SULF2: variants seen among roughly 807,000 people sequenced by gnomAD.
SULF2 encodes sulfatase 2.
In SULF2, 52 loss-of-function variants were observed where a neutral mutation model predicts 107.7. The observed-to-expected ratio is 0.48, with a 90% CI of 0.39 to 0.61. SULF2 has a LOEUF of 0.61. SULF2 is among the 20% of genes least tolerant of loss of function. The pLI is 0.00. For missense variants in SULF2, 993 were observed against 1,177.3 expected (o/e 0.84, Z 2.29); for synonymous variants, 460 against 464.3 (o/e 0.99, Z 0.12).
At chr20:47,662,152 T>TG (rs2087097879) in intron 17 of SULF2, among the ~76,000 whole-genome samples, 2 of 152,208 alleles carry the variant, frequency 1.3e-5, no homozygotes, top group East Asian at 3.9e-4. Context: ...TATTTAACGT[T>TG]GGAGTTCTGC....
intron 3 of SULF2, among the ~76,000 whole-genome samples, chr20:47,705,551 C>T (rs1344331516): frequency 6.6e-6 from 1 of 152,148 alleles, no homozygotes; most frequent in Non-Finnish European, 1.5e-5. Context: ...GGAGATGCCT[C>T]AATGCATCCA....
At chr20:47,708,009 C>A (rs1157412340) in intron 3 of SULF2, among the ~76,000 whole-genome samples, 3 of 152,134 alleles carry the variant, frequency 2.0e-5, no homozygotes, top group Non-Finnish European at 4.4e-5. Flanking sequence ...AATTTGGGGT[C>A]CCACTGCCCT....
At position 47,757,414 on chromosome 20, in the gene SULF2, T is replaced by G. The variant is rs1407457675; in HGVS notation, c.-51A>C. 6.6e-7 allele frequency: 1 copy of G among 1,515,818 alleles called. No homozygotes were observed. Among genetic ancestry groups the G allele is most frequent in the South Asian group, 1.2e-5 (1 of 80,932 alleles). 93.9% of individuals were successfully genotyped at this position (1,515,818 alleles called of 1,614,324 possible). ...TCTTTTGGGATGCGGGAGTCTCAAG[T>G]TGCGTCTGTGGCTTTGTTTCTTTTC... On this transcript the variant is annotated 5_prime_UTR_variant, in exon 2 of 21. Transcript: ENST00000688720.
intron 1 of SULF2, among the ~76,000 whole-genome samples, chr20:47,760,797 G>C (rs1191256337): frequency 1.3e-5 from 2 of 152,204 alleles, no homozygotes; most frequent in African/African-American, 2.4e-5. Context: ...CATGAGAACT[G>C]TGAGTTTCAT....
rs6063140 is a variant in SULF2, at chr20:47,716,003, T to A, written c.416-13333A>T. Among the ~76,000 whole-genome samples the A allele has an allele frequency of 8.3e-4, 126 of 152,174 alleles. 1 individual carries two copies. Among genetic ancestry groups the A allele is most frequent in the Non-Finnish European group, 7.5e-4 (51 of 68,022 alleles). ...GTGTTTGGCTGGCTGAACTTGGATC[T>A]ATTTGGCCCACACGGGACATGACTT... On this transcript the variant is annotated intron_variant, in intron 3 of 20. Coordinates refer to ENST00000688720, the MANE Select transcript of SULF2 (RefSeq NM_001387048.1).
At chr20:47,681,697 A>G (rs2087828591) in intron 7 of SULF2, among the ~76,000 whole-genome samples, 1 of 152,094 alleles carries the variant, frequency 6.6e-6, no homozygotes, top group African/African-American at 2.4e-5. Flanking sequence ...CGAATTATTA[A>G]TTGTTTTTGA....
In SULF2 at chr20:47,693,367, G is replaced by T. The variant is rs550217580; in HGVS notation, c.568-3072C>A. Among the ~76,000 whole-genome samples the T allele has an allele frequency of 7.2e-5, 11 of 152,284 alleles. No homozygotes were observed. In the South Asian group the frequency reaches 1.0e-3, roughly 14 times the overall value. ...ACACTTGCTGCCACCCGCCAGTGGG[G>T]TGGGGTGGGAAGCCACCGTTGCTCT... On this transcript the variant is annotated intron_variant, in intron 4 of 20. Transcript: ENST00000688720.
At chr20:47,668,835 C>G (rs903169638) in intron 11 of SULF2, among the ~76,000 whole-genome samples, 1 of 152,134 alleles carries the variant, frequency 6.6e-6, no homozygotes, top group Non-Finnish European at 1.5e-5. Context: ...CATGGTGCTT[C>G]TCACCACCCT....
chr20:47,773,641 C>T (rs2090672506), intron 1 of SULF2, among the ~76,000 whole-genome samples: 1 of 152,260 alleles, frequency 6.6e-6, no homozygotes, highest in Non-Finnish European at 1.5e-5. Flanking sequence ...TCCTTTGTCT[C>T]AGCTGTGGAC....
At chr20:47,714,418 CTCACA>C (rs140951079) in intron 3 of SULF2, among the ~76,000 whole-genome samples, 4,975 of 152,226 alleles carry the variant, frequency 0.033, 250 homozygotes, top group African/African-American at 0.1. Context: ...TCTGTCCTCC[CTCACA>C]TATGTCCCAG....
At chr20:47,667,437 A>G (rs2087313207) in intron 11 of SULF2, among the ~76,000 whole-genome samples, 1 of 152,188 alleles carries the variant, frequency 6.6e-6, no homozygotes, top group East Asian at 1.9e-4. Context: ...ATGTCTCAAA[A>G]ACAAATCTGA....
At chr20:47,743,225 T>C (rs953875393) in intron 2 of SULF2, among the ~76,000 whole-genome samples, 11 of 152,186 alleles carry the variant, frequency 7.2e-5, no homozygotes, top group Non-Finnish European at 1.2e-4. Flanking sequence ...ACACAGGACC[T>C]TGACTTAAAT....
chr20:47,777,905 T>A (rs557389266), intron 1 of SULF2, among the ~76,000 whole-genome samples: 1 of 151,978 alleles, frequency 6.6e-6, no homozygotes, highest in South Asian at 2.1e-4. Flanking sequence ...TCCCAGCACT[T>A]TTGGAGGGTC....
intron 3 of SULF2, among the ~76,000 whole-genome samples, chr20:47,733,056 G>C (rs754618716): frequency 1.3e-5 from 2 of 152,202 alleles, no homozygotes; most frequent in African/African-American, 2.4e-5. Flanking sequence ...TGCAAAGCAA[G>C]ATCACTGCAA....
Position 47,757,292 on chromosome 20 carries a change from G to A in SULF2, c.72C>T (p.Ala24=), listed in dbSNP as rs1460271363. The change falls in exon 2 of 21, where the codon GCC becomes GCT. Residue 24 remains alanine, a synonymous_variant. Transcript: ENST00000688720. ...CTTTCAGGCGGTGGTGCGACAGGAAGGCCGAGCTTCCACCCAGCAGGGAGA... is the reference window on the plus strand; with the variant it reads ...CTTTCAGGCGGTGGTGCGACAGGAAAGCCGAGCTTCCACCCAGCAGGGAGA... ...TVFSLLGGSS[A]FLSHHRLKGR... 6.3e-7 allele frequency: 1 copy of A among 1,594,882 alleles called. No individual in the cohort carries two copies.
chr20:47,665,513 C>T (rs987479372), intron 13 of SULF2, among the ~76,000 whole-genome samples: 8 of 152,280 alleles, frequency 5.3e-5, no homozygotes, highest in South Asian at 4.1e-4. Context: ...GCAAGGGAAC[C>T]GAGTCATTTT....
chr20:47,736,665 G>A, intron 3 of SULF2, 38 bp downstream of exon 3: 2 of 1,612,124 alleles, frequency 1.2e-6, no homozygotes, highest in Non-Finnish European at 8.5e-7. Context: ...CGCCCTGGCT[G>A]TCACTCCCTT....
chr20:47,676,716 G>A (rs1281812833), intron 9 of SULF2, 93 bp from the exon 10 acceptor site: 9 of 1,471,600 alleles, frequency 6.1e-6, no homozygotes, highest in Non-Finnish European at 6.4e-6. Flanking sequence ...GTGCCCCCTC[G>A]GCTCCGGCTT....
intron 2 of SULF2, among the ~76,000 whole-genome samples, chr20:47,747,018 T>TATATACACACAC (rs1232551264): frequency 1.1e-4 from 8 of 75,128 alleles, no homozygotes; most frequent in South Asian, 8.7e-4. Context: ...TATATATATA[T>TATATACACACAC]ACACACACAC....
Sources: gnomAD v4.1 joint callset for allele counts (sites outside exome capture counted in the v4.1 genomes callset) on GRCh38, gnomAD v4.1.1 for gene constraint, MANE v1.5 for transcripts, NCBI Gene and HGNC (gene_info 2026-07-23, HGNC 2026-07-21) for gene names.